ELF3: variants seen among roughly 807,000 people sequenced by gnomAD.
ELF3 encodes ETS-related transcription factor Elf-3.
In ELF3, 18 loss-of-function variants were observed where a neutral mutation model predicts 43.9. That is an observed-to-expected ratio of 0.41 (90% CI 0.28 to 0.61). The LOEUF is 0.61. Ranked by LOEUF, ELF3 falls within the 20% of genes least tolerant of loss-of-function variation. The pLI is 0.30. For missense variants in ELF3, 373 were observed against 487.7 expected (o/e 0.76, Z 2.21); for synonymous variants, 181 against 190.2 (o/e 0.95, Z 0.40).
chr1:202,011,752 C>A (rs549787889), intron 2 of ELF3: 5 of 597,012 alleles, frequency 8.4e-6, no homozygotes, highest in Admixed American at 6.0e-5. Flanking sequence ...TGGTGGGCAC[C>A]TATAATCCCA....
In ELF3 at chr1:202,012,595, T is replaced by C. The variant is rs1684227422; in HGVS notation, c.479-45T>C. 6.4e-7 allele frequency: 1 copy of C among 1,557,220 alleles called. No homozygotes were observed. Among genetic ancestry groups the C allele is most frequent in the African/African-American group, 1.4e-5 (1 of 73,226 alleles). On this transcript the variant is annotated intron_variant, in intron 4 of 8. Coordinates refer to ENST00000367284, the MANE Select transcript of ELF3 (RefSeq NM_004433.5). This position sits in a 1 kb window ranked among gnomAD's most constrained non-coding sequence, Gnocchi z 4.2. ...CCATGGGCAGCATCACCTGTCCTGG[T>C]CTGGTCCCCTGAGCCCTCTCTGAGT...
Position 202,013,222 on chromosome 1 carries a change from G to A in ELF3, c.729G>A (p.Gly243=). 1.2e-6 allele frequency: 2 copies of A among 1,614,150 alleles called. No individual in the cohort carries two copies. Among genetic ancestry groups the A allele is most frequent in the Non-Finnish European group, 1.7e-6 (2 of 1,180,024 alleles). ...GCAAGAAGGGGGATCCCAAGCACGGGAAGCGGAAACGAGGCCGGCCCCGAA... is the reference window on the plus strand; with the variant it reads ...GCAAGAAGGGGGATCCCAAGCACGGAAAGCGGAAACGAGGCCGGCCCCGAA... ...RDCKKGDPKH[G]KRKRGRPRKL... The change falls in exon 7 of 9, where the codon GGG becomes GGA. Residue 243 remains glycine (G), a synonymous_variant. Transcript: ENST00000367284. This position sits in a 1 kb window ranked among gnomAD's most constrained non-coding sequence, Gnocchi z 5.7.
Position 202,012,421 on chromosome 1 carries a change from G to T in ELF3, c.463G>T (p.Asp155Tyr). 6.2e-7 allele frequency: 1 copy of T among 1,614,018 alleles called. No individual in the cohort carries two copies. The highest frequency in any genetic ancestry group is 1.1e-5 in the South Asian group (1 of 91,068). Reference protein sequence around the residue: ...KDGMAFQEALDPGPFDQGSPF... With the variant: ...KDGMAFQEALYPGPFDQGSPF... ...TGGCATGGCCTTCCAGGAGGCCCTAGACCCAGGGCCCTTTGGTGAGAACCC... is the reference window on the plus strand; with the variant it reads ...TGGCATGGCCTTCCAGGAGGCCCTATACCCAGGGCCCTTTGGTGAGAACCC... Residue 155 changes from aspartate (D) to tyrosine (Y), a missense_variant, in exon 4 of 9, where the codon GAC (aspartate) becomes TAC (tyrosine). Physicochemically the swap from Asp to Tyr is radical, Grantham distance 160. Around this residue, in one of 3 missense-constraint regions of ELF3, gnomAD observed 311 missense variants for 351.2 expected, o/e 0.89. Coordinates refer to ENST00000367284, the MANE Select transcript of ELF3 (RefSeq NM_004433.5). This position sits in a 1 kb window ranked among gnomAD's most constrained non-coding sequence, Gnocchi z 4.2.
At position 202,011,287 on chromosome 1, in the gene ELF3, T is replaced by C. The variant is rs1335562646; in HGVS notation, c.151T>C (p.Leu51=). 1.9e-6 allele frequency: 3 copies of C among 1,598,152 alleles called. No homozygotes were observed. The highest frequency in any genetic ancestry group is 1.7e-5 in the Admixed American group (1 of 58,750). The change falls in exon 2 of 9, where the codon TTG becomes CTG. Residue 51 remains leucine, a synonymous_variant. Coordinates refer to ENST00000367284, the MANE Select transcript of ELF3 (RefSeq NM_004433.5). The stretch of plus-strand genomic sequence containing the variant: ...GACCCTGAGCAACCCCCAGATGTCA[T>C]TGGAGGGTACAGGTGGGTCTCAGCG... ...VLTLSNPQMS[L]EGTEKASWLG...
At chr1:202,011,877 C>CAAAAAAAAA (rs1169377361) in intron 2 of ELF3, 80 bp from the exon 3 acceptor site, 1 of 1,226,664 alleles carries the variant, frequency 8.2e-7, no homozygotes, top group Non-Finnish European at 1.1e-6. Context: ...GACTCCATCT[C>CAAAAAAAAA]AAAAAAAAAA....
Position 202,015,525 on chromosome 1 carries a change from A to T in ELF3, c.*202A>T, listed in dbSNP as rs1684293582. 1.7e-5 allele frequency: 10 copies of T among 582,796 alleles called. No homozygotes were observed. The South Asian group carries it at 2.0e-4, about 12-fold the overall frequency. The allele number at this position is 582,796 out of a possible 1,614,324, so 36.1% of individuals were successfully genotyped here. On this transcript the variant is annotated 3_prime_UTR_variant, in exon 9 of 9. Coordinates refer to ENST00000367284, the MANE Select transcript of ELF3 (RefSeq NM_004433.5). ...CCTCGCCTCCCCACCCTCCTCTTGG[A>T]ATTACAAGCCCTGGGGTTTGAAGCT...
chr1:202,013,387 G>T lies in ELF3; in HGVS notation c.805+89G>T, dbSNP rs952512451. 9 of 1,336,834 alleles carry T rather than the reference G, an allele frequency of 6.7e-6. No individual in the cohort carries two copies. The highest frequency in any genetic ancestry group is 8.4e-6 in the Non-Finnish European group (8 of 950,602). The allele number at this position is 1,336,834 out of a possible 1,614,324, so 82.8% of individuals were successfully genotyped here. A position where few individuals can be genotyped will look rare whatever the true frequency, so the allele number is the denominator to read the frequency against. On this transcript the variant is annotated intron_variant, in intron 7 of 8. Coordinates refer to ENST00000367284, the MANE Select transcript of ELF3 (RefSeq NM_004433.5). This position sits in a 1 kb window ranked among gnomAD's most constrained non-coding sequence, Gnocchi z 5.7. ...GGTTGTTGCAGGTATCCCTTCTCCC[G>T]TTTTCTCTGGCCTCCGCATGGCCTT...
chr1:202,015,280 CA>C lies in ELF3; in HGVS notation c.1075del (p.Ser359AlafsTer88). The C allele has an allele frequency of 6.2e-7, 1 of 1,614,126 alleles. No individual in the cohort carries two copies. Among genetic ancestry groups the C allele is most frequent in the Non-Finnish European group, 8.5e-7 (1 of 1,180,036 alleles). On this transcript the variant is annotated frameshift_variant, in exon 9 of 9. Transcript: ENST00000367284. LOFTEE classifies it high-confidence loss of function. ...CTCGTCTACAAGTTTGGCAAAAACT[CA>C]AGCGGCTGGAAGGAGGAAGAGGTTC... ...RRLVYKFGKN[S>X]SGWKEEEVLQ...
rs1300332665 is a variant in ELF3 at position 202,015,258 on chromosome 1, G to A, written c.1051G>A (p.Val351Ile). 2 of 1,614,078 alleles carry A rather than the reference G, an allele frequency of 1.2e-6. No homozygotes were observed. The highest frequency in any genetic ancestry group is 1.7e-6 in the Non-Finnish European group (2 of 1,180,026). Residue 351 changes from valine (V) to isoleucine (I), a missense_variant, in exon 9 of 9, where the codon GTC becomes ATC. Coordinates refer to ENST00000367284, the MANE Select transcript of ELF3 (RefSeq NM_004433.5). The part of the protein sequence containing the change: ...ILERVDGRRL[V>I]YKFGKNSSGW... ...GGAACGGGTGGATGGCCGGCGACTC[G>A]TCTACAAGTTTGGCAAAAACTCAAG...
chr1:202,013,631 GA>G lies in ELF3; in HGVS notation c.806-197del. ...CCCTCTGGGACACCCTCAATGTGAG[GA>G]GGCAGCTGGTGGGTCTTAGGTGGGC... On this transcript the variant is annotated intron_variant, in intron 7 of 8. Transcript: ENST00000367284. This position sits in a 1 kb window ranked among gnomAD's most constrained non-coding sequence, Gnocchi z 5.7. 3.1e-6 allele frequency: 2 copies of G among 647,720 alleles called. No individual in the cohort carries two copies. The highest frequency in any genetic ancestry group is 5.3e-6 in the Non-Finnish European group (2 of 374,826). The allele number at this position is 647,720 out of a possible 1,614,324, so 40.1% of individuals were successfully genotyped here. A position where few individuals can be genotyped will look rare whatever the true frequency, so the allele number is the denominator to read the frequency against.
rs1684323079 is a variant in ELF3 at position 202,017,111 on chromosome 1, GCT to G, written c.*1791_*1792del. On this transcript the variant is annotated 3_prime_UTR_variant, in exon 9 of 9. Transcript: ENST00000367284. ...ATCCCATTCATGAGTTTGAAATACT[GCT>G]CTGTTGTCTTGGAAATACCAATCAG... 1 of 152,138 alleles carries G rather than the reference GCT, an allele frequency of 6.6e-6. No individual in the cohort carries two copies. Among genetic ancestry groups the G allele is most frequent in the African/African-American group, 2.4e-5 (1 of 41,412 alleles). 9.4% of individuals were successfully genotyped at this position (152,138 alleles called of 1,614,324 possible). A position where few individuals can be genotyped will look rare whatever the true frequency, so the allele number is the denominator to read the frequency against.
At chr1:202,011,088 C>G (rs543812585) in intron 1 of ELF3, 41 bp from the exon 2 acceptor site, 1 of 1,603,408 alleles carries the variant, frequency 6.2e-7, no homozygotes, top group African/African-American at 1.3e-5. Flanking sequence ...AGAGGACCCT[C>G]GTCCCCTCAC....
chr1:202,014,797 G>A (rs4950758), intron 8 of ELF3: 24,492 of 170,516 alleles, frequency 0.14, 3,185 homozygotes, highest in African/African-American at 0.36. Flanking sequence ...AGTAGAGACG[G>A]GGGTTTCACC....
At position 202,013,056 on chromosome 1, in the gene ELF3, C is replaced by T; in HGVS notation, c.688+20C>T. On this transcript the variant is annotated intron_variant, in intron 6 of 8. Coordinates refer to ENST00000367284, the MANE Select transcript of ELF3 (RefSeq NM_004433.5). This position sits in a 1 kb window ranked among gnomAD's most constrained non-coding sequence, Gnocchi z 5.7. Reference sequence around the variant, plus strand: ...CCAGCGGTGAGTCGAGGGAGGTCCCCAAGAGGGCGTCCCATTTAGCAATGC... The same window carrying T: ...CCAGCGGTGAGTCGAGGGAGGTCCCTAAGAGGGCGTCCCATTTAGCAATGC... 1 of 1,608,580 alleles carries T rather than the reference C, an allele frequency of 6.2e-7. No homozygotes were observed. The highest frequency in any genetic ancestry group is 1.3e-5 in the African/African-American group (1 of 74,942).
chr1:202,010,890 T>C lies in ELF3; in HGVS notation c.-9+184T>C, dbSNP rs1405641303. 9.6e-6 allele frequency: 5 copies of C among 519,504 alleles called. No homozygotes were observed. The highest frequency in any genetic ancestry group is 9.0e-5 in the South Asian group (4 of 44,234). The allele number at this position is 519,504 out of a possible 1,614,324, so 32.2% of individuals were successfully genotyped here. A position where few individuals can be genotyped will look rare whatever the true frequency, so the allele number is the denominator to read the frequency against. On this transcript the variant is annotated intron_variant, in intron 1 of 8. Transcript: ENST00000367284. The surrounding 1 kb of genome is among the most constrained non-coding windows in gnomAD (Gnocchi z 4.3). ...GAAGGCAGAATGGCCATGACGCCGCTAGTCTGGCTCCAGGGCCCCAGAGAT... is the reference window on the plus strand; with the variant it reads ...GAAGGCAGAATGGCCATGACGCCGCCAGTCTGGCTCCAGGGCCCCAGAGAT...
At position 202,012,350 on chromosome 1, in the gene ELF3, G is replaced by A; in HGVS notation, c.392G>A (p.Ser131Asn). 6.2e-7 allele frequency: 1 copy of A among 1,614,096 alleles called. No individual in the cohort carries two copies. The highest frequency in any genetic ancestry group is 8.5e-7 in the Non-Finnish European group (1 of 1,179,992). ...LHAQLRDLTS[S>N]SSDELSWIIE... The stretch of plus-strand genomic sequence containing the variant: ...TTCCTTCCTTCCTTGTCAGCTTCCA[G>A]CTCTTCTGATGAGCTCAGTTGGATC... Residue 131 changes from serine to asparagine, a missense_variant, in exon 4 of 9, where the codon AGC becomes AAC. Physicochemically the swap from Ser to Asn is conservative, Grantham distance 46. Around this residue, in one of 3 missense-constraint regions of ELF3, gnomAD observed 311 missense variants for 351.2 expected, o/e 0.89. Transcript: ENST00000367284. The surrounding 1 kb of genome is among the most constrained non-coding windows in gnomAD (Gnocchi z 4.2).
At chr1:202,014,959 T>C in intron 8 of ELF3, 2 of 451,300 alleles carry the variant, frequency 4.4e-6, no homozygotes, top group East Asian at 4.1e-5. Context: ...GTCACAGCCA[T>C]AGGATACAAA....
Position 202,012,804 on chromosome 1 carries a change from C to T in ELF3, c.598+45C>T. ...CACAACCTCCCTTCCCCGAAGTGTC[C>T]CTTGTTCCCTCTGGCTCCCAGCACC... On this transcript the variant is annotated intron_variant, in intron 5 of 8. Coordinates refer to ENST00000367284, the MANE Select transcript of ELF3 (RefSeq NM_004433.5). This position sits in a 1 kb window ranked among gnomAD's most constrained non-coding sequence, Gnocchi z 4.2. The T allele has an allele frequency of 6.5e-7, 1 of 1,538,224 alleles. No individual in the cohort carries two copies.
chr1:202,010,991 C>T lies in ELF3; in HGVS notation c.-8-138C>T, dbSNP rs2819361. On this transcript the variant is annotated intron_variant, in intron 1 of 8. Coordinates refer to ENST00000367284, the MANE Select transcript of ELF3 (RefSeq NM_004433.5). The surrounding 1 kb of genome is among the most constrained non-coding windows in gnomAD (Gnocchi z 4.3). ...GATCTTGGAGCCCTTCTTGAAGAGA[C>T]GGTGTCCGCAGAGTTGCTGATCTTC... 9 of 860,838 alleles carry T rather than the reference C, an allele frequency of 1.0e-5. No homozygotes were observed. In the Admixed American group the frequency reaches 1.3e-4, roughly 13 times the overall value. The allele number at this position is 860,838 out of a possible 1,614,324, so 53.3% of individuals were successfully genotyped here.
Sources: allele counts gnomAD v4.1 joint callset, GRCh38; gene constraint gnomAD v4.1.1; regional missense constraint gnomAD v4.1.1; non-coding constraint Gnocchi (gnomAD v3.1); transcripts MANE v1.5; gene names NCBI Gene and HGNC (gene_info 2026-07-23, HGNC 2026-07-21).